The following PDE1C variants were observed in gnomAD, a reference collection of about 807,000 sequenced individuals.
The protein encoded by PDE1C is phosphodiesterase 1C, also known as dual specificity calcium/calmodulin-dependent 3',5'-cyclic nucleotide phosphodiesterase 1C.
Under a neutral mutation model 93.1 loss-of-function variants are expected in PDE1C, and 62 were observed. The observed-to-expected ratio is 0.67, with a 90% CI of 0.54 to 0.82. PDE1C has a LOEUF of 0.82. PDE1C is among the 40% of genes least tolerant of loss of function. The pLI is 0.00. For missense variants in PDE1C, 742 were observed against 884.6 expected, an observed-to-expected ratio of 0.84 and a Z score of 2.04; for synonymous variants, 325 against 310.1, an observed-to-expected ratio of 1.05 and a Z score of -0.50.
At chr7:31,748,667 A>G (rs1382349376), downstream of PDE1C, among the ~76,000 whole-genome samples, 1 of 152,196 alleles carries the variant, frequency 6.6e-6, no homozygotes, top group Non-Finnish European at 1.5e-5. Context: ...ACCACTAGCA[A>G]AGGCCTACTG....
At chr7:32,084,587 C>A (rs1376399067) in intron 3 of PDE1C, among the ~76,000 whole-genome samples, 15 of 151,938 alleles carry the variant, frequency 9.9e-5, no homozygotes, top group African/African-American at 2.4e-4. Flanking sequence ...TCCAAAATTG[C>A]ACACATAGTT....
intron 2 of PDE1C, among the ~76,000 whole-genome samples, chr7:32,006,594 G>T (rs1419580352): frequency 6.6e-6 from 1 of 152,154 alleles, no homozygotes; most frequent in East Asian, 1.9e-4. Flanking sequence ...ACAAGATGCA[G>T]TGATGCCATT....
At chr7:31,853,775 T>A (rs1793647180) in intron 7 of PDE1C, among the ~76,000 whole-genome samples, 2 of 151,934 alleles carry the variant, frequency 1.3e-5, no homozygotes, top group African/African-American at 4.8e-5. Context: ...AGTGGTGCAA[T>A]CTTGGCTCAC....
At position 32,167,807 on chromosome 7, in the gene PDE1C, T is replaced by C. The variant is rs566155231; in HGVS notation, c.308+1978A>G. The stretch of plus-strand genomic sequence containing the variant: ...AGAACGAAGTAATCAAAGCTATCAT[T>C]AACCCTTATTGTGGTACCACTCAAT... On this transcript the variant is annotated intron_variant, in intron 3 of 18. Coordinates refer to the PDE1C transcript ENST00000396193. Among the ~76,000 whole-genome samples, 6 of 152,296 alleles carry C rather than the reference T, an allele frequency of 3.9e-5. No homozygotes were observed. In the East Asian group the frequency reaches 1.2e-3, roughly 29 times the overall value.
intron 2 of PDE1C, among the ~76,000 whole-genome samples, chr7:32,208,349 C>T (rs1473609061): frequency 1.3e-5 from 2 of 152,096 alleles, no homozygotes; most frequent in Non-Finnish European, 2.9e-5. Context: ...AATGCAGTGA[C>T]TAGGGATTTA....
rs181540311 is a variant in PDE1C at position 32,018,815 on chromosome 7, T to C, written c.128+32739A>G. Among the ~76,000 whole-genome samples the C allele has an allele frequency of 5.9e-5, 9 of 152,290 alleles. No homozygotes were observed. The East Asian group carries it at 1.7e-3, about 29-fold the overall frequency. On this transcript the variant is annotated intron_variant, in intron 2 of 17. Transcript: ENST00000396191. ...GTATGCTTTAAATGGGTGACTTTTATAGTATTGAATTGTATCTCATTAAGA... is the reference window on the plus strand; with the variant it reads ...GTATGCTTTAAATGGGTGACTTTTACAGTATTGAATTGTATCTCATTAAGA...
At chr7:31,818,865 A>G (rs1788602006) in intron 14 of PDE1C, among the ~76,000 whole-genome samples, 1 of 152,194 alleles carries the variant, frequency 6.6e-6, no homozygotes, top group Non-Finnish European at 1.5e-5. Context: ...AACTGAAGGT[A>G]TTAAATGCTG....
At chr7:31,839,208 ATATG>A (rs201434322) in intron 9 of PDE1C, among the ~76,000 whole-genome samples, 4 of 144,780 alleles carry the variant, frequency 2.8e-5, no homozygotes, top group East Asian at 4.0e-4. Context: ...ATACATACGT[ATATG>A]TGTGTATACA....
upstream of PDE1C, among the ~76,000 whole-genome samples, chr7:32,302,177 G>A (rs954621011): frequency 6.6e-6 from 1 of 152,158 alleles, no homozygotes; most frequent in African/African-American, 2.4e-5. Context: ...ATTATAGTAA[G>A]CATACTTTAC....
chr7:31,977,249 G>C (rs1383326120), intron 2 of PDE1C, among the ~76,000 whole-genome samples: 1 of 152,118 alleles, frequency 6.6e-6, no homozygotes, highest in Non-Finnish European at 1.5e-5. Context: ...GAGGAAGAGA[G>C]ACCTGAGCTG....
the PDE1C span, among the ~76,000 whole-genome samples, chr7:31,629,033 A>T: frequency 6.6e-6 from 1 of 152,214 alleles, no homozygotes; most frequent in East Asian, 1.9e-4. Flanking sequence ...AATTGGCGTT[A>T]CAAAATTTGA....
At chr7:32,329,431 C>T (rs1011461758) in intron 1 of PDE1C, among the ~76,000 whole-genome samples, 1 of 152,050 alleles carries the variant, frequency 6.6e-6, no homozygotes, top group Non-Finnish European at 1.5e-5. Flanking sequence ...CTCGGAGCTC[C>T]CTCTCAATTG....
chr7:32,053,712 C>T (rs1428151745), intron 1 of PDE1C, among the ~76,000 whole-genome samples: 3 of 152,068 alleles, frequency 2.0e-5, no homozygotes, highest in Non-Finnish European at 4.4e-5. Flanking sequence ...TATAAAGGCA[C>T]TGCTGGGAGT....
intron 3 of PDE1C, among the ~76,000 whole-genome samples, chr7:32,152,323 C>T (rs1453936647): frequency 3.3e-5 from 5 of 152,224 alleles, no homozygotes; most frequent in African/African-American, 1.2e-4. Context: ...AAGAGGGAAG[C>T]TATGGATCCC....
At chr7:31,941,163 AGC>A (rs1805791326) in intron 2 of PDE1C, 1 of 152,092 alleles carries the variant, frequency 6.6e-6, no homozygotes. Flanking sequence ...GCTACCCTAA[AGC>A]TTTGGAAACA....
intron 3 of PDE1C, among the ~76,000 whole-genome samples, chr7:32,079,118 A>C (rs186631205): frequency 6.6e-6 from 1 of 152,332 alleles, no homozygotes; most frequent in Non-Finnish European, 1.5e-5. Context: ...TTTTCTCTGT[A>C]TCTGGAGGGA....
chr7:32,180,055 ATGAATGGAG>A (rs1160893504), intron 2 of PDE1C, among the ~76,000 whole-genome samples: 1 of 152,234 alleles, frequency 6.6e-6, no homozygotes, highest in Non-Finnish European at 1.5e-5. Context: ...GGAATTAGGA[ATGAATGGAG>A]TAAAGCCCAG....
intron 17 of PDE1C, among the ~76,000 whole-genome samples, chr7:31,775,115 A>T (rs924525808): frequency 3.3e-5 from 5 of 152,330 alleles, no homozygotes; most frequent in Middle Eastern, 3.4e-3. Flanking sequence ...TACATGTGAG[A>T]TTGGGTCGAA....
chr7:31,717,740 A>G, the PDE1C span, among the ~76,000 whole-genome samples: 3 of 152,212 alleles, frequency 2.0e-5, no homozygotes, highest in Non-Finnish European at 4.4e-5. Context: ...TTTTATTCAT[A>G]GTAATGAATA....
Sources: allele counts gnomAD v4.1 joint callset (sites outside exome capture counted in the v4.1 genomes callset), GRCh38; gene constraint gnomAD v4.1.1; transcripts MANE v1.5; gene names NCBI Gene and HGNC (gene_info 2026-07-23, HGNC 2026-07-21).